Variants in GPR158 observed in about 807,000 individuals in gnomAD.
GPR158 encodes the protein metabotropic glycine receptor.
GPR158 carries 30 observed loss-of-function variants against 78.2 expected under a neutral mutation model. The ratio of observed to expected loss-of-function variants is 0.38; its 90% CI spans 0.29 to 0.52. The LOEUF is 0.52. GPR158 is among the 20% of genes least tolerant of loss of function. The pLI is 0.83. For missense variants in GPR158, 1,463 were observed against 1,523.5 expected, an observed-to-expected ratio of 0.96 and a Z score of 0.66; for synonymous variants, 581 against 591.1, an observed-to-expected ratio of 0.98 and a Z score of 0.25.
At chr10:25,232,157 T>G (rs1853457552) in intron 2 of GPR158, among the ~76,000 whole-genome samples, 1 of 152,152 alleles carries the variant, frequency 6.6e-6, no homozygotes, top group African/African-American at 2.4e-5. Flanking sequence ...TATTAAACCT[T>G]TGCTTTTGTC....
chr10:25,552,000 T>G (rs1476992147), intron 6 of GPR158, among the ~76,000 whole-genome samples: 1 of 152,212 alleles, frequency 6.6e-6, no homozygotes, highest in Non-Finnish European at 1.5e-5. Context: ...GTCTACCACG[T>G]AAGAAACTTT....
chr10:25,342,705 C>T (rs1179424249), intron 2 of GPR158, among the ~76,000 whole-genome samples: 1 of 151,504 alleles, frequency 6.6e-6, no homozygotes, highest in Admixed American at 6.6e-5. Flanking sequence ...TATATAGGAA[C>T]AGAGATTAGT....
chr10:25,198,356 T>C (rs1009894018), intron 1 of GPR158, among the ~76,000 whole-genome samples: 1 of 152,210 alleles, frequency 6.6e-6, no homozygotes, highest in African/African-American at 2.4e-5. Context: ...CAAGCTTCTC[T>C]GGACATGTCT....
intron 2 of GPR158, among the ~76,000 whole-genome samples, chr10:25,373,713 A>G (rs1384295638): frequency 6.6e-6 from 1 of 151,838 alleles, no homozygotes; most frequent in East Asian, 1.9e-4. Flanking sequence ...TATGTTACTT[A>G]GTTTCCAAGT....
chr10:25,428,805 G>A (rs111269465), intron 4 of GPR158, among the ~76,000 whole-genome samples: 19 of 152,070 alleles, frequency 1.2e-4, no homozygotes, highest in East Asian at 9.6e-4. Context: ...ATTATGTAAC[G>A]CGACGCTTGA....
chr10:25,494,705 C>T (rs898035556), intron 5 of GPR158, among the ~76,000 whole-genome samples: 1 of 151,832 alleles, frequency 6.6e-6, no homozygotes, highest in Non-Finnish European at 1.5e-5. Flanking sequence ...GATTTTAAAC[C>T]ACTCCACAGC....
At chr10:25,503,739 A>G (rs1835973346) in intron 5 of GPR158, among the ~76,000 whole-genome samples, 1 of 151,964 alleles carries the variant, frequency 6.6e-6, no homozygotes, top group African/African-American at 2.4e-5. Flanking sequence ...TTGCTTCCTC[A>G]GAAAGCCTTC....
intron 2 of GPR158, among the ~76,000 whole-genome samples, chr10:25,231,324 A>G (rs1853445446): frequency 6.6e-6 from 1 of 152,176 alleles, no homozygotes; most frequent in African/African-American, 2.4e-5. Flanking sequence ...CTGAGCCAGA[A>G]AGGAGGCAAT....
chr10:25,491,861 C>G (rs1387765229), intron 5 of GPR158, among the ~76,000 whole-genome samples: 1 of 152,118 alleles, frequency 6.6e-6, no homozygotes, highest in Non-Finnish European at 1.5e-5. Context: ...GTCACATTCT[C>G]AATTGATAGA....
At chr10:25,205,452 T>C (rs1853011270) in intron 1 of GPR158, among the ~76,000 whole-genome samples, 1 of 152,038 alleles carries the variant, frequency 6.6e-6, no homozygotes, top group Non-Finnish European at 1.5e-5. Context: ...CTTGTTTCTG[T>C]AGTCCCTTTT....
At position 25,448,281 on chromosome 10, in the gene GPR158, G is replaced by C. The variant is rs372502912; in HGVS notation, c.1336-18370G>C. Among the ~76,000 whole-genome samples the C allele has an allele frequency of 5.9e-5, 9 of 151,526 alleles. No individual in the cohort carries two copies. The East Asian group carries it at 1.2e-3, about 20-fold the overall frequency. ...TTGTATTTTTTTTTTTAGTAGAGAC[G>C]GGGTTTCACCGTGTTAGCCAGGATG... is the stretch of plus-strand genomic sequence containing the variant. On this transcript the variant is annotated intron_variant, in intron 4 of 10. Coordinates refer to ENST00000376351, the MANE Select transcript of GPR158 (RefSeq NM_020752.3).
intron 2 of GPR158, among the ~76,000 whole-genome samples, chr10:25,344,989 G>C (rs1484813847): frequency 6.6e-6 from 1 of 151,890 alleles, no homozygotes; most frequent in Non-Finnish European, 1.5e-5. Flanking sequence ...CTATTAATGA[G>C]GGCTCTGCCT....
chr10:25,208,566 G>A (rs940686063), intron 1 of GPR158, among the ~76,000 whole-genome samples: 1 of 132,120 alleles, frequency 7.6e-6, no homozygotes, highest in Non-Finnish European at 1.6e-5. Context: ...ATTTGTGTGT[G>A]TGTGTGTGTG....
intron 2 of GPR158, among the ~76,000 whole-genome samples, chr10:25,349,870 C>T (rs1855432825): frequency 7.8e-6 from 1 of 127,840 alleles, no homozygotes; most frequent in South Asian, 2.1e-4. Context: ...CACAGCATCC[C>T]ATGAAATCAC....
At chr10:25,184,000 G>A (rs2130631665) in intron 1 of GPR158, among the ~76,000 whole-genome samples, 1 of 152,172 alleles carries the variant, frequency 6.6e-6, no homozygotes, top group East Asian at 1.9e-4. Context: ...TCTTTCAGTG[G>A]TACACAATAT....
chr10:25,222,704 G>A (rs1043681362), intron 2 of GPR158, among the ~76,000 whole-genome samples: 1 of 152,072 alleles, frequency 6.6e-6, no homozygotes, highest in African/African-American at 2.4e-5. Context: ...GTTCTGTTAG[G>A]AGCAGATAGC....
At chr10:25,372,003 T>C (rs951572426) in intron 2 of GPR158, among the ~76,000 whole-genome samples, 12 of 151,758 alleles carry the variant, frequency 7.9e-5, no homozygotes, top group Middle Eastern at 3.4e-3. Context: ...CTCAAATAAA[T>C]TTACAAGACA....
chr10:25,181,040 C>T (rs1402565808), intron 1 of GPR158, among the ~76,000 whole-genome samples: 1 of 152,178 alleles, frequency 6.6e-6, no homozygotes, highest in Non-Finnish European at 1.5e-5. Context: ...TTCAGTGATT[C>T]TATTACAGAT....
chr10:25,550,875 A>G, intron 5 of GPR158, 101 bp from the exon 6 acceptor site: 1 of 724,014 alleles, frequency 1.4e-6, no homozygotes, highest in Non-Finnish European at 2.5e-6. Context: ...ATGAGTGTAT[A>G]TCAAAATTCA....
Sources: gnomAD v4.1 joint callset for allele counts (sites outside exome capture counted in the v4.1 genomes callset) on GRCh38, gnomAD v4.1.1 for gene constraint, MANE v1.5 for transcripts, NCBI Gene and HGNC (gene_info 2026-07-23, HGNC 2026-07-21) for gene names.